PTPRG: variants seen among roughly 807,000 people sequenced by gnomAD.
The protein encoded by PTPRG is receptor-type tyrosine-protein phosphatase gamma.
Under a neutral mutation model 165.3 loss-of-function variants are expected in PTPRG, and 102 were observed. That is an observed-to-expected ratio of 0.62 (90% CI 0.53 to 0.73). The LOEUF (loss-of-function observed/expected upper bound fraction) is 0.73. Ranked by LOEUF, PTPRG falls within the 30% of genes least tolerant of loss-of-function variation. PTPRG has a pLI of 0.00. For missense variants in PTPRG, 1,866 were observed against 1,861.4 expected, an observed-to-expected ratio of 1.00 and a Z score of -0.05; for synonymous variants, 675 against 669.5, an observed-to-expected ratio of 1.01 and a Z score of -0.13.
chr3:62,055,566 C>T (rs1040320919), intron 4 of PTPRG, among the ~76,000 whole-genome samples: 15 of 152,204 alleles, frequency 9.9e-5, no homozygotes, highest in Admixed American at 3.3e-4. Flanking sequence ...CAAATTATCA[C>T]AAGCTAAGTA....
At chr3:62,253,255 G>A (rs1263957155) in intron 15 of PTPRG, among the ~76,000 whole-genome samples, 2 of 151,980 alleles carry the variant, frequency 1.3e-5, no homozygotes, top group African/African-American at 4.8e-5. Flanking sequence ...TCCTAATCAC[G>A]GCACTGTAAG....
At chr3:61,694,008 CAAAAAAA>C (rs1163062978) in intron 1 of PTPRG, among the ~76,000 whole-genome samples, 1 of 65,484 alleles carries the variant, frequency 1.5e-5, no homozygotes, top group African/African-American at 5.6e-5. Flanking sequence ...ACTCCATCTC[CAAAAAAA>C]AAAAAAAAAA....
At chr3:61,564,948 A>G (rs73093085) in intron 1 of PTPRG, among the ~76,000 whole-genome samples, 48,715 of 152,188 alleles carry the variant, frequency 0.32, 8,446 homozygotes, top group East Asian at 0.61. Flanking sequence ...CTTGCCTGCT[A>G]TGACCTCGAA....
At chr3:61,739,929 A>G (rs1454468307) in intron 1 of PTPRG, among the ~76,000 whole-genome samples, 1 of 152,244 alleles carries the variant, frequency 6.6e-6, no homozygotes, top group Non-Finnish European at 1.5e-5. Context: ...CATTTTAAAA[A>G]AATGAAAATA....
At chr3:62,064,251 T>G (rs762800903) in intron 4 of PTPRG, among the ~76,000 whole-genome samples, 3 of 152,232 alleles carry the variant, frequency 2.0e-5, no homozygotes, top group South Asian at 4.1e-4. Flanking sequence ...ACTGTTAGTT[T>G]GTGCTGTTTT....
At chr3:62,033,505 A>C (rs1279404112) in intron 4 of PTPRG, among the ~76,000 whole-genome samples, 1 of 150,576 alleles carries the variant, frequency 6.6e-6, no homozygotes, top group Non-Finnish European at 1.5e-5. Flanking sequence ...CTAGGACCAC[A>C]GGTGCACACA....
intron 2 of PTPRG, among the ~76,000 whole-genome samples, chr3:61,757,518 T>G (rs1345665584): frequency 6.6e-6 from 1 of 152,156 alleles, no homozygotes; most frequent in Non-Finnish European, 1.5e-5. Flanking sequence ...GGTGAAACAT[T>G]GTCAGTGGCA....
chr3:62,005,496 T>G (rs2041274866), intron 4 of PTPRG, among the ~76,000 whole-genome samples: 1 of 152,066 alleles, frequency 6.6e-6, no homozygotes, highest in Non-Finnish European at 1.5e-5. Context: ...GTTTGTTCAT[T>G]TAATGTCGTT....
chr3:62,199,254 T>C lies in PTPRG; in HGVS notation c.1328-2251T>C, dbSNP rs1300618002. On this transcript the variant is annotated intron_variant, in intron 10 of 29. Coordinates refer to ENST00000474889, the MANE Select transcript of PTPRG (RefSeq NM_002841.4). ...GCTGGGTGAGACCCCTGTTATTTGC[T>C]TTCTTTGCTACCTTATTTGACCTGG... Among the ~76,000 whole-genome samples, 9 of 152,322 alleles carry C rather than the reference T, an allele frequency of 5.9e-5. No homozygotes were observed. The East Asian group carries it at 1.7e-3, about 29-fold the overall frequency.
Position 62,288,010 on chromosome 3 carries a change from A to C in PTPRG, c.4056-4411A>C, listed in dbSNP as rs1702734080. Among the ~76,000 whole-genome samples the C allele has an allele frequency of 3.9e-5, 6 of 152,116 alleles. No homozygotes were observed. The South Asian group carries it at 1.2e-3, about 31-fold the overall frequency. On this transcript the variant is annotated intron_variant, in intron 28 of 29. Coordinates refer to ENST00000474889, the MANE Select transcript of PTPRG (RefSeq NM_002841.4). ...AACAACTAGAAACTGAAATCCTTAC[A>C]TCTAGGATTGCTTATAAATAATTCA...
At chr3:62,208,235 A>G (rs1700277895) in intron 12 of PTPRG, among the ~76,000 whole-genome samples, 1 of 151,956 alleles carries the variant, frequency 6.6e-6, no homozygotes, top group Non-Finnish European at 1.5e-5. Context: ...CCTCAGCTGG[A>G]TGTCTGCTAC....
At chr3:61,702,528 TAC>T (rs139157826) in intron 1 of PTPRG, among the ~76,000 whole-genome samples, 4 of 151,946 alleles carry the variant, frequency 2.6e-5, no homozygotes, top group East Asian at 3.8e-4. Flanking sequence ...TACACACGTG[TAC>T]ACACACACAC....
In PTPRG at chr3:61,737,697, T is replaced by C. The variant is rs184298544; in HGVS notation, c.86-11181T>C. Among the ~76,000 whole-genome samples, 114 of 151,938 alleles carry C rather than the reference T, an allele frequency of 7.5e-4. 1 individual carries two copies. The highest frequency in any genetic ancestry group is 2.7e-3 in the African/African-American group (111 of 41,430). On this transcript the variant is annotated intron_variant, in intron 1 of 29. Transcript: ENST00000474889. Reference sequence around the variant, plus strand: ...TGATACGGTGTTTTAAGCAAAGGGGTGTCATGGTTGGAGTGTCCCCTGTAT... The same window carrying C: ...TGATACGGTGTTTTAAGCAAAGGGGCGTCATGGTTGGAGTGTCCCCTGTAT...
chr3:61,628,987 G>C (rs889902510), intron 1 of PTPRG, among the ~76,000 whole-genome samples: 1 of 152,106 alleles, frequency 6.6e-6, no homozygotes, highest in African/African-American at 2.4e-5. Context: ...AATGTGGGCT[G>C]TTTTTCAGTG....
intron 19 of PTPRG, 114 bp from the exon 20 acceptor site, chr3:62,268,921 A>G: frequency 3.4e-6 from 4 of 1,185,950 alleles, no homozygotes; most frequent in Non-Finnish European, 4.5e-6. Flanking sequence ...TTCCTTTTTC[A>G]GTCAACTAAA....
chr3:61,892,542 C>T (rs2038242354), intron 2 of PTPRG, among the ~76,000 whole-genome samples: 1 of 152,112 alleles, frequency 6.6e-6, no homozygotes, highest in Non-Finnish European at 1.5e-5. Flanking sequence ...CTGGGTCAGG[C>T]GCGGTGGCTC....
chr3:61,920,531 G>C (rs1373680429), intron 2 of PTPRG, among the ~76,000 whole-genome samples: 1 of 152,152 alleles, frequency 6.6e-6, no homozygotes, highest in Non-Finnish European at 1.5e-5. Flanking sequence ...GAAGAGCTGG[G>C]ACCATAGGCT....
chr3:62,078,080 A>G (rs1701449997), intron 4 of PTPRG, 83 bp from the exon 5 acceptor site: 1 of 860,008 alleles, frequency 1.2e-6, no homozygotes, highest in Non-Finnish European at 1.8e-6. Context: ...CAACTGGGGA[A>G]TATACATTTA....
chr3:61,605,749 A>G (rs1700987357), intron 1 of PTPRG, among the ~76,000 whole-genome samples: 1 of 151,728 alleles, frequency 6.6e-6, no homozygotes, highest in Non-Finnish European at 1.5e-5. Context: ...TTCTAGTTTT[A>G]TGTTTGTAGA....
Sources: gnomAD v4.1 joint callset for allele counts (sites outside exome capture counted in the v4.1 genomes callset) on GRCh38, gnomAD v4.1.1 for gene constraint, MANE v1.5 for transcripts, NCBI Gene and HGNC (gene_info 2026-07-23, HGNC 2026-07-21) for gene names.